DAB1: variants seen among roughly 807,000 people sequenced by gnomAD.
The protein encoded by DAB1 is disabled homolog 1.
In DAB1, 15 loss-of-function variants were observed where a neutral mutation model predicts 64.6. The ratio of observed to expected loss-of-function variants is 0.23; its 90% CI spans 0.16 to 0.36. The LOEUF is 0.36. Among genes scored for constraint, DAB1 ranks in the 10% least tolerant of loss-of-function variants. The probability of loss-of-function intolerance (pLI) is 1.00; values close to 1 mark genes in which losing one functional copy is unlikely to be tolerated. For synonymous variants in DAB1, 235 were observed against 251.9 expected (o/e 0.93, Z 0.64); for missense variants, 596 against 706.7 (o/e 0.84, Z 1.78).
At chr1:58,215,313 A>G (rs1291586892) in intron 4 of DAB1, among the ~76,000 whole-genome samples, 2 of 150,312 alleles carry the variant, frequency 1.3e-5, no homozygotes, top group East Asian at 3.9e-4. Context: ...AAGTCAAATG[A>G]CCTCCCTCCC....
rs537058820 is a variant in DAB1 at position 58,136,288 on chromosome 1, C to A, written n.387+14223G>T. Among the ~76,000 whole-genome samples, 64 of 152,268 alleles carry A rather than the reference C, an allele frequency of 4.2e-4. 2 individuals are homozygous for A. In the South Asian group the frequency reaches 0.012, roughly 28 times the overall value. Reference sequence around the variant, plus strand: ...CACCCACCACCCATATTTTCTAATGCTTCAAGTGGGACATGCAACTTAGCC... The same window carrying A: ...CACCCACCACCCATATTTTCTAATGATTCAAGTGGGACATGCAACTTAGCC... On this transcript the variant is annotated intron_variant and non_coding_transcript_variant, in intron 5 of 20. Coordinates refer to the DAB1 transcript ENST00000485760.
intron 3 of DAB1, among the ~76,000 whole-genome samples, chr1:58,427,663 T>G (rs959372193): frequency 2.0e-5 from 3 of 152,188 alleles, no homozygotes; most frequent in Non-Finnish European, 2.9e-5. Context: ...ACTGGAAAGA[T>G]GCAGTTGCCA....
chr1:57,292,704 G>A (rs1056100366), intron 1 of DAB1, among the ~76,000 whole-genome samples: 27 of 152,164 alleles, frequency 1.8e-4, no homozygotes, highest in African/African-American at 5.1e-4. Flanking sequence ...ACAAATACTA[G>A]CTCATTCATG....
In DAB1 at chr1:57,001,155, G is replaced by A. The variant is rs151178889; in HGVS notation, c.*16-3027C>T. Among the ~76,000 whole-genome samples the A allele has an allele frequency of 2.5e-4, 38 of 152,316 alleles. No homozygotes were observed. In the East Asian group the frequency reaches 6.4e-3, roughly 25 times the overall value. On this transcript the variant is annotated intron_variant, in intron 14 of 14. Coordinates refer to ENST00000371236, the MANE Select transcript of DAB1 (RefSeq NM_001365792.1). ...GGAATCTTAGACTGTCAGACTTAGAGGGGAGCTAAAGAATCATTGGATTCA... is the reference window on the plus strand; with the variant it reads ...GGAATCTTAGACTGTCAGACTTAGAAGGGAGCTAAAGAATCATTGGATTCA...
At chr1:58,481,961 G>A (rs1392379405) in intron 3 of DAB1, among the ~76,000 whole-genome samples, 2 of 152,174 alleles carry the variant, frequency 1.3e-5, no homozygotes, top group African/African-American at 2.4e-5. Flanking sequence ...TGTTTCATTA[G>A]CAGCATGAGA....
At chr1:58,133,095 A>T (rs1653733452) in intron 5 of DAB1, among the ~76,000 whole-genome samples, 1 of 152,036 alleles carries the variant, frequency 6.6e-6, no homozygotes, top group Non-Finnish European at 1.5e-5. Context: ...TCCATTTCTG[A>T]TTCTTGGCAT....
At chr1:57,589,962 G>A (rs569675522) in intron 7 of DAB1, among the ~76,000 whole-genome samples, 43 of 152,044 alleles carry the variant, frequency 2.8e-4, no homozygotes, top group South Asian at 6.2e-4. Context: ...GCACAAATTG[G>A]CCCAAAATTT....
chr1:57,077,671 ACTGT>A lies in DAB1; in HGVS notation c.307-5261_307-5258del, dbSNP rs546874470. Among the ~76,000 whole-genome samples, 6 of 152,344 alleles carry A rather than the reference ACTGT, an allele frequency of 3.9e-5. No homozygotes were observed. In the East Asian group the frequency reaches 1.2e-3, roughly 29 times the overall value. On this transcript the variant is annotated intron_variant, in intron 4 of 14. Coordinates refer to ENST00000371236, the MANE Select transcript of DAB1 (RefSeq NM_001365792.1). ...GAAGTATCAAATTGTTTGGAGGGTT[ACTGT>A]CTGACAGAATAAATTACAGAGAAGA... is the stretch of plus-strand genomic sequence containing the variant.
At chr1:57,675,699 T>C (rs1646558431) in intron 6 of DAB1, among the ~76,000 whole-genome samples, 1 of 152,222 alleles carries the variant, frequency 6.6e-6, no homozygotes, top group Non-Finnish European at 1.5e-5. Flanking sequence ...CACAAATATA[T>C]ACATATATTT....
chr1:57,282,623 A>G (rs1009925089), intron 2 of DAB1, among the ~76,000 whole-genome samples: 1 of 152,096 alleles, frequency 6.6e-6, no homozygotes, highest in Admixed American at 6.5e-5. Context: ...TGACCGTGTG[A>G]CCACAGAGAA....
chr1:58,305,167 A>C (rs1233916137), intron 4 of DAB1, among the ~76,000 whole-genome samples: 3 of 152,126 alleles, frequency 2.0e-5, no homozygotes, highest in Non-Finnish European at 4.4e-5. Context: ...CCTGGGTTCA[A>C]GTAATCCCCC....
intron 7 of DAB1, among the ~76,000 whole-genome samples, chr1:57,526,341 G>C (rs1011263816): frequency 4.6e-5 from 7 of 152,132 alleles, no homozygotes; most frequent in Non-Finnish European, 8.8e-5. Context: ...TAGGAAATTT[G>C]TTCATTTTGC....
chr1:57,877,242 T>C (rs1299812774), intron 1 of DAB1, among the ~76,000 whole-genome samples: 2 of 152,148 alleles, frequency 1.3e-5, no homozygotes, highest in African/African-American at 2.4e-5. Context: ...AGTTTTGAAT[T>C]TTTTAATCAG....
chr1:57,493,554 G>T (rs1570570655), intron 7 of DAB1, among the ~76,000 whole-genome samples: 1 of 152,096 alleles, frequency 6.6e-6, no homozygotes. Context: ...ATACATAGTT[G>T]CTTCCACCGT....
chr1:57,770,221 A>G (rs1014674264), intron 6 of DAB1, among the ~76,000 whole-genome samples: 1 of 152,134 alleles, frequency 6.6e-6, no homozygotes, highest in Non-Finnish European at 1.5e-5. Flanking sequence ...CATTGGCCTC[A>G]CAGGATTGTT....
At chr1:57,162,529 A>T (rs1439177222) in intron 2 of DAB1, among the ~76,000 whole-genome samples, 1 of 152,206 alleles carries the variant, frequency 6.6e-6, no homozygotes, top group East Asian at 1.9e-4. Context: ...CCACAAATGA[A>T]CAAGAGTTTC....
intron 7 of DAB1, among the ~76,000 whole-genome samples, chr1:57,564,111 C>A (rs1265120201): frequency 1.3e-5 from 2 of 152,152 alleles, no homozygotes; most frequent in Non-Finnish European, 2.9e-5. Flanking sequence ...AATCAGGCAG[C>A]AACATTTGCT....
chr1:57,470,222 A>C (rs925295772), intron 7 of DAB1, among the ~76,000 whole-genome samples: 2 of 152,234 alleles, frequency 1.3e-5, no homozygotes, highest in Non-Finnish European at 2.9e-5. Context: ...ACTCCAGTGC[A>C]TGCTCATGTT....
chr1:58,066,926 A>C (rs1212541312), intron 5 of DAB1, among the ~76,000 whole-genome samples: 1 of 152,190 alleles, frequency 6.6e-6, no homozygotes, highest in African/African-American at 2.4e-5. Flanking sequence ...GGCTAAACTC[A>C]TCTGGCACTC....
Sources: gnomAD v4.1 joint callset for allele counts (sites outside exome capture counted in the v4.1 genomes callset) on GRCh38, gnomAD v4.1.1 for gene constraint, MANE v1.5 for transcripts, NCBI Gene and HGNC (gene_info 2026-07-23, HGNC 2026-07-21) for gene names.